ARHGAP24: variants seen among roughly 807,000 people sequenced by gnomAD.
The protein encoded by ARHGAP24 is rho GTPase-activating protein 24.
Under a neutral mutation model 76.4 loss-of-function variants are expected in ARHGAP24, and 50 were observed. The ratio of observed to expected loss-of-function variants is 0.65; its 90% CI spans 0.52 to 0.83. The LOEUF is 0.83. ARHGAP24 is among the 40% of genes least tolerant of loss of function. ARHGAP24 has a pLI of 0.00. For missense variants in ARHGAP24, 930 were observed against 914.2 expected (o/e 1.02, Z -0.22); for synonymous variants, 345 against 323.3 (o/e 1.07, Z -0.72).
At chr4:85,638,262 T>C (rs938287276) in intron 2 of ARHGAP24, among the ~76,000 whole-genome samples, 2 of 152,182 alleles carry the variant, frequency 1.3e-5, no homozygotes, top group Admixed American at 6.6e-5. Context: ...ATGATACTTA[T>C]TAGACTTGTA....
At chr4:85,943,701 C>T (rs899888168) in intron 5 of ARHGAP24, among the ~76,000 whole-genome samples, 1 of 152,064 alleles carries the variant, frequency 6.6e-6, no homozygotes, top group Non-Finnish European at 1.5e-5. Context: ...TGAGTGAGAA[C>T]ATGCGGTGTT....
chr4:85,655,696 C>T (rs1722113199), intron 2 of ARHGAP24, among the ~76,000 whole-genome samples: 1 of 150,394 alleles, frequency 6.6e-6, no homozygotes, highest in South Asian at 2.1e-4. Context: ...GGCTTGAACC[C>T]GGAATGCGGA....
chr4:85,612,060 A>C (rs973391913), intron 2 of ARHGAP24, among the ~76,000 whole-genome samples: 2 of 142,180 alleles, frequency 1.4e-5, no homozygotes, highest in African/African-American at 5.2e-5. Flanking sequence ...GATGTGGATA[A>C]ATTGGGTTCT....
At chr4:85,788,084 A>C (rs976914383) in intron 3 of ARHGAP24, among the ~76,000 whole-genome samples, 1 of 152,172 alleles carries the variant, frequency 6.6e-6, no homozygotes. Flanking sequence ...ACGTAGCCAC[A>C]GGGTCTGTGG....
intron 3 of ARHGAP24, among the ~76,000 whole-genome samples, chr4:85,765,536 C>T (rs1726899993): frequency 6.6e-6 from 1 of 152,040 alleles, no homozygotes; most frequent in Non-Finnish European, 1.5e-5. Context: ...CATCTCCAAG[C>T]ATGATAGTAG....
At chr4:85,661,452 A>G (rs761837652) in intron 2 of ARHGAP24, among the ~76,000 whole-genome samples, 34 of 151,962 alleles carry the variant, frequency 2.2e-4, no homozygotes, top group Non-Finnish European at 4.4e-4. Flanking sequence ...AGGCTTGCAA[A>G]TTTTCAAAAA....
At chr4:85,902,363 T>C (rs1021407147) in intron 3 of ARHGAP24, among the ~76,000 whole-genome samples, 2 of 152,218 alleles carry the variant, frequency 1.3e-5, no homozygotes, top group Non-Finnish European at 2.9e-5. Flanking sequence ...GACTGTATTT[T>C]CTTTCCCAAG....
chr4:85,649,037 T>TGTGTGTGTGTGTGTG (rs199528525), intron 2 of ARHGAP24, among the ~76,000 whole-genome samples: 26 of 111,088 alleles, frequency 2.3e-4, no homozygotes, highest in African/African-American at 8.4e-4. Flanking sequence ...GTGTGTGTGT[T>TGTGTGTGTGTGTGTG]TGTGTGTGTG....
intron 3 of ARHGAP24, among the ~76,000 whole-genome samples, chr4:85,799,202 C>T (rs1171706906): frequency 8.5e-5 from 13 of 152,052 alleles, no homozygotes; most frequent in Admixed American, 2.0e-4. Flanking sequence ...GGTTTCTAAA[C>T]ATCATCTTTC....
intron 1 of ARHGAP24, among the ~76,000 whole-genome samples, chr4:85,538,766 A>G (rs1350187939): frequency 6.6e-6 from 1 of 152,198 alleles, no homozygotes; most frequent in African/African-American, 2.4e-5. Context: ...CAGTATAGAG[A>G]TGTGTATACC....
chr4:85,494,767 C>T (rs1017677923), intron 1 of ARHGAP24, among the ~76,000 whole-genome samples: 6 of 151,840 alleles, frequency 4.0e-5, no homozygotes, highest in African/African-American at 7.3e-5. Context: ...GTTTCTGTAA[C>T]GGAATACAAG....
At chr4:85,839,303 A>C (rs1730458523) in intron 3 of ARHGAP24, among the ~76,000 whole-genome samples, 2 of 152,212 alleles carry the variant, frequency 1.3e-5, no homozygotes, top group African/African-American at 4.8e-5. Flanking sequence ...ATATCAGAGG[A>C]TAGAGACTTT....
At chr4:85,484,347 A>G (rs1482810035) in intron 1 of ARHGAP24, among the ~76,000 whole-genome samples, 2 of 152,210 alleles carry the variant, frequency 1.3e-5, no homozygotes, top group Admixed American at 1.3e-4. Flanking sequence ...CATAAAAACA[A>G]CACTGGGTAT....
rs1180499766 is a variant in ARHGAP24, at chr4:85,994,635, C to T, written c.981C>T (p.Cys327=). Reference sequence around the variant, plus strand: ...CAGTGATGATTAGCAAACATGATTGCCTCTTTCCCAAAGATGCAGAACTAC... The same window carrying T: ...CAGTGATGATTAGCAAACATGATTGTCTCTTTCCCAAAGATGCAGAACTAC... ...LMSVMISKHD[C]LFPKDAELQS... The change falls in exon 9 of 10, where the codon TGC becomes TGT. Residue 327 remains cysteine, a synonymous_variant. Transcript: ENST00000395184. 1 of 1,614,014 alleles carries T rather than the reference C, an allele frequency of 6.2e-7. No individual in the cohort carries two copies. Among genetic ancestry groups the T allele is most frequent in the African/African-American group, 1.3e-5 (1 of 74,902 alleles).
At chr4:85,796,611 A>G (rs1234130545) in intron 3 of ARHGAP24, among the ~76,000 whole-genome samples, 1 of 152,218 alleles carries the variant, frequency 6.6e-6, no homozygotes, top group East Asian at 1.9e-4. Flanking sequence ...TTTAATATAA[A>G]GAATGATTAA....
At chr4:85,556,126 C>A (rs2101118) in intron 1 of ARHGAP24, among the ~76,000 whole-genome samples, 125,029 of 151,922 alleles carry the variant, frequency 0.82, 53,920 homozygotes, top group East Asian at 0.98. Flanking sequence ...GCTTGGGGCC[C>A]GACTGGGTGA....
intron 3 of ARHGAP24, among the ~76,000 whole-genome samples, chr4:85,909,302 G>GT (rs1035331219): frequency 1.8e-4 from 27 of 150,488 alleles, no homozygotes; most frequent in Non-Finnish European, 3.0e-4. Flanking sequence ...CTTTTGTTTT[G>GT]TTTTTTTTAA....
chr4:85,707,500 A>G (rs1482084), intron 2 of ARHGAP24, among the ~76,000 whole-genome samples: 47,343 of 152,116 alleles, frequency 0.31, 8,387 homozygotes, highest in African/African-American at 0.47. Context: ...TGGTTATAAT[A>G]ATCATAAAAT....
chr4:86,000,878 T>G lies in ARHGAP24; in HGVS notation c.*156T>G, dbSNP rs1158856013. 2 of 1,113,768 alleles carry G rather than the reference T, an allele frequency of 1.8e-6. No individual in the cohort carries two copies. The highest frequency in any genetic ancestry group is 2.6e-6 in the Non-Finnish European group (2 of 777,348). 69.0% of individuals were successfully genotyped at this position (1,113,768 alleles called of 1,614,324 possible). A position where few individuals can be genotyped will look rare whatever the true frequency, so the allele number is the denominator to read the frequency against. On this transcript the variant is annotated 3_prime_UTR_variant, in exon 10 of 10. Coordinates refer to ENST00000395184, the MANE Select transcript of ARHGAP24 (RefSeq NM_001025616.3). ...AGACATTAAACATCCATATCTGCAA[T>G]GTGTACCAAAGTTATATCATGCCCC...
Sources: gnomAD v4.1 joint callset for allele counts (sites outside exome capture counted in the v4.1 genomes callset) on GRCh38, gnomAD v4.1.1 for gene constraint, MANE v1.5 for transcripts, NCBI Gene and HGNC (gene_info 2026-07-23, HGNC 2026-07-21) for gene names.